C2orf76: variants seen among roughly 807,000 people sequenced by gnomAD.
C2orf76 encodes UPF0538 protein C2orf76.
A neutral mutation model predicts 16.9 loss-of-function variants in C2orf76; 23 were observed. The ratio of observed to expected loss-of-function variants is 1.36; its 90% CI spans 0.98 to 1.93. C2orf76 has a LOEUF of 1.93. C2orf76 is among the 30% of genes most tolerant of loss of function. The probability of loss-of-function intolerance (pLI) is 0.00; values close to 1 mark genes in which losing one functional copy is unlikely to be tolerated. For missense variants in C2orf76, 152 were observed against 152.6 expected, an observed-to-expected ratio of 1.00 and a Z score of 0.02; for synonymous variants, 48 against 52.3, an observed-to-expected ratio of 0.92 and a Z score of 0.35.
chr2:119,290,601 G>C, the C2orf76 span, among the ~76,000 whole-genome samples: 1 of 151,990 alleles, frequency 6.6e-6, no homozygotes, highest in African/African-American at 2.4e-5. Context: ...AGGCGAAGGC[G>C]GGTGGATCAC....
downstream of C2orf76, among the ~76,000 whole-genome samples, chr2:119,298,063 C>T (rs77322788): frequency 0.054 from 8,159 of 152,270 alleles, 364 homozygotes; most frequent in East Asian, 0.13. Context: ...CCCCCCTCAG[C>T]CTCCTGAGTA....
chr2:119,307,470 T>A (rs1678828717), intron 5 of C2orf76, among the ~76,000 whole-genome samples: 1 of 151,684 alleles, frequency 6.6e-6, no homozygotes, highest in Non-Finnish European at 1.5e-5. Context: ...ATTTCAAGTA[T>A]CATTTTCACA....
chr2:119,340,249 A>T (rs551574031), intron 1 of C2orf76: 1 of 304,614 alleles, frequency 3.3e-6, no homozygotes, highest in East Asian at 5.2e-5. Flanking sequence ...AACCAAAGTA[A>T]CACAGGGGCA....
chr2:119,325,902 T>A (rs74504828), intron 2 of C2orf76, among the ~76,000 whole-genome samples: 1,586 of 152,344 alleles, frequency 0.01, 25 homozygotes, highest in African/African-American at 0.035. Flanking sequence ...CACTTTTAAT[T>A]GTGTTGTGTG....
the C2orf76 span, among the ~76,000 whole-genome samples, chr2:119,289,434 T>A: frequency 6.6e-6 from 1 of 152,014 alleles, no homozygotes; most frequent in Non-Finnish European, 1.5e-5. Flanking sequence ...ACGCCTGTAA[T>A]CCTAGCACTT....
the C2orf76 span, among the ~76,000 whole-genome samples, chr2:119,295,968 A>G: frequency 6.6e-6 from 1 of 152,190 alleles, no homozygotes; most frequent in Admixed American, 6.5e-5. Context: ...TGATCAACAA[A>G]TGAGCCTCCA....
chr2:119,341,661 A>G (rs768720058), intron 1 of C2orf76, among the ~76,000 whole-genome samples: 3 of 152,196 alleles, frequency 2.0e-5, no homozygotes, highest in Non-Finnish European at 2.9e-5. Context: ...ATCTAGTAGC[A>G]CCTACTTTGT....
the C2orf76 span, among the ~76,000 whole-genome samples, chr2:119,286,664 G>A: frequency 6.6e-6 from 1 of 152,224 alleles, no homozygotes; most frequent in African/African-American, 2.4e-5. Context: ...AACAGGGAGG[G>A]ATACAGCAGT....
intron 1 of C2orf76, among the ~76,000 whole-genome samples, chr2:119,365,608 C>T (rs539765469): frequency 6.8e-4 from 104 of 152,254 alleles, no homozygotes; most frequent in African/African-American, 2.3e-3. Context: ...AGCCCTCTTG[C>T]CACAAATTAT....
At chr2:119,286,411 C>T in the C2orf76 span, among the ~76,000 whole-genome samples, 8 of 151,884 alleles carry the variant, frequency 5.3e-5, no homozygotes, top group Non-Finnish European at 1.0e-4. Context: ...AGGATGAATG[C>T]TAGTCTGGTG....
At chr2:119,329,728 T>C (rs1332162954) in intron 2 of C2orf76, among the ~76,000 whole-genome samples, 3 of 152,154 alleles carry the variant, frequency 2.0e-5, no homozygotes, top group Non-Finnish European at 2.9e-5. Context: ...TATAACACTT[T>C]GTAATAGCAA....
chr2:119,325,678 C>T (rs1019166161), intron 2 of C2orf76, among the ~76,000 whole-genome samples: 1 of 152,112 alleles, frequency 6.6e-6, no homozygotes, highest in Non-Finnish European at 1.5e-5. Flanking sequence ...AATATTCCCA[C>T]TAGTGGTATA....
chr2:119,293,572 C>T, the C2orf76 span, among the ~76,000 whole-genome samples: 5 of 152,186 alleles, frequency 3.3e-5, no homozygotes, highest in African/African-American at 9.6e-5. Flanking sequence ...GGAATGAGAA[C>T]AGGAAGAATT....
chr2:119,322,647 T>TA (rs1280745792), intron 2 of C2orf76, among the ~76,000 whole-genome samples: 1 of 152,164 alleles, frequency 6.6e-6, no homozygotes, highest in East Asian at 1.9e-4. Flanking sequence ...ACTCGTTAAG[T>TA]AAATCATAAT....
At chr2:119,356,067 C>G (rs1029075590) in intron 1 of C2orf76, among the ~76,000 whole-genome samples, 3 of 152,120 alleles carry the variant, frequency 2.0e-5, no homozygotes, top group African/African-American at 7.2e-5. Context: ...GGAAACTAAG[C>G]AACAGACTAC....
the C2orf76 span, among the ~76,000 whole-genome samples, chr2:119,284,568 C>A: frequency 6.6e-6 from 1 of 152,020 alleles, no homozygotes; most frequent in African/African-American, 2.4e-5. Flanking sequence ...ACCTCCACCC[C>A]AAAAATACCG....
the C2orf76 span, among the ~76,000 whole-genome samples, chr2:119,288,134 T>A: frequency 6.7e-6 from 1 of 149,234 alleles, no homozygotes; most frequent in African/African-American, 2.5e-5. Flanking sequence ...TCTTTGCATT[T>A]CACCATCTGT....
the C2orf76 span, among the ~76,000 whole-genome samples, chr2:119,290,232 G>A: frequency 6.6e-6 from 1 of 151,638 alleles, no homozygotes; most frequent in African/African-American, 2.4e-5. Flanking sequence ...GTTTGAGAAG[G>A]AATTTTTTAA....
chr2:119,303,632 C>T (rs1678685083), intron 5 of C2orf76, among the ~76,000 whole-genome samples: 1 of 152,134 alleles, frequency 6.6e-6, no homozygotes, highest in African/African-American at 2.4e-5. Context: ...GACTTTATCA[C>T]AAAATAATGA....
Sources: allele counts gnomAD v4.1 joint callset (sites outside exome capture counted in the v4.1 genomes callset), GRCh38; gene constraint gnomAD v4.1.1; transcripts MANE v1.5; gene names NCBI Gene and HGNC (gene_info 2026-07-23, HGNC 2026-07-21).